Variants in AKAP13 observed in about 807,000 individuals in gnomAD.
AKAP13 encodes the protein A-kinase anchoring protein 13.
AKAP13 carries 80 observed loss-of-function variants against 264.5 expected under a neutral mutation model. The ratio of observed to expected loss-of-function variants is 0.30; its 90% CI spans 0.25 to 0.36. The LOEUF is 0.36. AKAP13 is among the 10% of genes least tolerant of loss of function. AKAP13 has a pLI of 1.00. For synonymous variants in AKAP13, 1,380 were observed against 1,250.2 expected (o/e 1.10, Z -2.19); for missense variants, 3,712 against 3,435.2 (o/e 1.08, Z -2.01).
chr15:85,734,947 C>G, intron 30 of AKAP13, 45 bp from the exon 31 acceptor site: 1 of 1,597,962 alleles, frequency 6.3e-7, no homozygotes, highest in Non-Finnish European at 8.5e-7. Context: ...GTTTTCCCCT[C>G]ATTGAAAGAT....
intron 26 of AKAP13, among the ~76,000 whole-genome samples, chr15:85,723,717 C>CAG (rs2151733157): frequency 6.6e-6 from 1 of 152,320 alleles, no homozygotes; most frequent in East Asian, 1.9e-4. Context: ...GCGAGTTTCA[C>CAG]AGAATCTGTG....
At chr15:85,440,977 A>AAAAAC (rs1363051997) in intron 1 of AKAP13, among the ~76,000 whole-genome samples, 2 of 152,226 alleles carry the variant, frequency 1.3e-5, no homozygotes, top group Admixed American at 6.5e-5. Context: ...GAAACTCTAA[A>AAAAAC]AAAACAAAAC....
At chr15:85,578,218 G>A (rs1273423431) in intron 6 of AKAP13, among the ~76,000 whole-genome samples, 1 of 152,186 alleles carries the variant, frequency 6.6e-6, no homozygotes, top group East Asian at 1.9e-4. Context: ...AGGAGTTCAA[G>A]GCTGCGGTGA....
intron 8 of AKAP13, among the ~76,000 whole-genome samples, chr15:85,602,989 C>G (rs906618491): frequency 2.6e-5 from 4 of 152,236 alleles, no homozygotes; most frequent in African/African-American, 9.6e-5. Flanking sequence ...CTGGCAAACT[C>G]ATAGTGACGA....
chr15:85,493,980 T>C (rs1383394440), intron 2 of AKAP13, among the ~76,000 whole-genome samples: 2 of 152,200 alleles, frequency 1.3e-5, no homozygotes, highest in Non-Finnish European at 1.5e-5. Flanking sequence ...ATTAGCCCTT[T>C]CACCTATATT....
intron 14 of AKAP13, among the ~76,000 whole-genome samples, chr15:85,677,575 TAC>T (rs2084300743): frequency 6.6e-6 from 1 of 152,128 alleles, no homozygotes; most frequent in Admixed American, 6.5e-5. Flanking sequence ...TCTTTAAAAA[TAC>T]CTTTCCTTTA....
intron 27 of AKAP13, among the ~76,000 whole-genome samples, chr15:85,726,735 T>G (rs1833097740): frequency 6.6e-6 from 1 of 152,240 alleles, no homozygotes; most frequent in Non-Finnish European, 1.5e-5. Context: ...TGAAGAAACC[T>G]GGTCACTGGA....
intron 5 of AKAP13, among the ~76,000 whole-genome samples, chr15:85,557,244 C>T (rs2078183649): frequency 6.6e-6 from 1 of 152,060 alleles, no homozygotes; most frequent in African/African-American, 2.4e-5. Flanking sequence ...TCTGTGAAGC[C>T]TTGGTTGATT....
intron 10 of AKAP13, among the ~76,000 whole-genome samples, chr15:85,646,390 A>G (rs1402044891): frequency 9.2e-5 from 14 of 152,260 alleles, no homozygotes; most frequent in Middle Eastern, 6.8e-3. Context: ...TCGCGCCACT[A>G]AACTCTAGCC....
At chr15:85,611,962 CCAGT>C (rs1315386658) in intron 8 of AKAP13, among the ~76,000 whole-genome samples, 4 of 152,326 alleles carry the variant, frequency 2.6e-5, no homozygotes, top group Middle Eastern at 3.4e-3. Flanking sequence ...ACTGTAAGGG[CCAGT>C]CTCAAACATG....
At chr15:85,523,474 T>C (rs2076905022) in intron 3 of AKAP13, among the ~76,000 whole-genome samples, 2 of 152,124 alleles carry the variant, frequency 1.3e-5, no homozygotes, top group Non-Finnish European at 2.9e-5. Context: ...GGCCTTTCGG[T>C]CCAGCTCATA....
chr15:85,387,787 C>A (rs113865799), intron 1 of AKAP13, among the ~76,000 whole-genome samples: 106 of 152,268 alleles, frequency 7.0e-4, no homozygotes, highest in African/African-American at 2.4e-3. Flanking sequence ...GTTTTGTAAT[C>A]TTATACATGT....
chr15:85,701,819 A>T, intron 17 of AKAP13, among the ~76,000 whole-genome samples: 1 of 350 alleles, frequency 2.9e-3, no homozygotes, highest in South Asian at 0.12. Context: ...TTACCCTAAT[A>T]TGCACTAAGT....
intron 1 of AKAP13, among the ~76,000 whole-genome samples, chr15:85,425,878 A>G (rs1216213887): frequency 2.6e-5 from 4 of 152,140 alleles, no homozygotes; most frequent in South Asian, 4.1e-4. Flanking sequence ...AAATAGCCCA[A>G]AAGATACTCA....
intron 8 of AKAP13, among the ~76,000 whole-genome samples, chr15:85,627,408 T>TC (rs964212391): frequency 4.6e-5 from 7 of 152,286 alleles, no homozygotes; most frequent in Admixed American, 2.0e-4. Context: ...TGCTTCCCAG[T>TC]CCAGGTATAC....
At chr15:85,529,629 AAGG>A (rs1159014062) in intron 3 of AKAP13, among the ~76,000 whole-genome samples, 1 of 152,208 alleles carries the variant, frequency 6.6e-6, no homozygotes, top group Non-Finnish European at 1.5e-5. Flanking sequence ...CTTTATCAGA[AAGG>A]TTATAGGAAT....
chr15:85,527,225 A>C (rs1205102475), intron 3 of AKAP13, among the ~76,000 whole-genome samples: 2 of 152,154 alleles, frequency 1.3e-5, no homozygotes, highest in Non-Finnish European at 2.9e-5. Context: ...GGCCTCCCAC[A>C]GTGCTGGGAT....
Position 85,581,652 on chromosome 15 carries a change from T to C in AKAP13, c.3584T>C (p.Leu1195Pro). 1 of 1,614,016 alleles carries C rather than the reference T, an allele frequency of 6.2e-7. No homozygotes were observed. Among genetic ancestry groups the C allele is most frequent in the East Asian group, 2.2e-5 (1 of 44,866 alleles). Residue 1195 changes from leucine to proline, a missense_variant, in exon 7 of 37, where the codon CTC becomes CCC. Physicochemically the swap from Leu to Pro is moderately conservative, Grantham distance 98. Around this residue, in one of 3 missense-constraint regions of AKAP13, gnomAD observed 2,759 missense variants for 2,411.7 expected, o/e 1.14. Transcript: ENST00000394518. ...PVLLQPVAKE[L>P]PTDMELSAHD... The stretch of plus-strand genomic sequence containing the variant: ...CTACTGCAGCCTGTTGCCAAGGAGC[T>C]CCCCACAGACATGGAGCTCTCAGCC...
intron 17 of AKAP13, among the ~76,000 whole-genome samples, chr15:85,699,272 C>T (rs2085760691): frequency 6.6e-6 from 1 of 151,908 alleles, no homozygotes; most frequent in Non-Finnish European, 1.5e-5. Flanking sequence ...GGTGAAACCC[C>T]ATCTCTACTA....
Sources: gnomAD v4.1 joint callset for allele counts (sites outside exome capture counted in the v4.1 genomes callset) on GRCh38, gnomAD v4.1.1 for gene constraint, gnomAD v4.1.1 regional missense constraint, MANE v1.5 for transcripts, NCBI Gene and HGNC (gene_info 2026-07-23, HGNC 2026-07-21) for gene names.